SNRNP40: variants seen among roughly 807,000 people sequenced by gnomAD.
SNRNP40 encodes small nuclear ribonucleoprotein U5 subunit 40, also known as U5 small nuclear ribonucleoprotein 40 kDa protein.
Under a neutral mutation model 45.8 loss-of-function variants are expected in SNRNP40, and 21 were observed. The observed-to-expected ratio is 0.46, with a 90% CI of 0.32 to 0.66. SNRNP40 has a LOEUF of 0.66. SNRNP40 is among the 30% of genes least tolerant of loss of function. The pLI, the probability that SNRNP40 is intolerant of heterozygous loss-of-function variation, is 0.03. For synonymous variants in SNRNP40, 142 were observed against 163.8 expected (o/e 0.87, Z 1.01); for missense variants, 344 against 439.1 (o/e 0.78, Z 1.94).
chr1:31,289,554 C>T (rs986019464), intron 3 of SNRNP40, 135 bp from the exon 4 acceptor site: 4 of 719,504 alleles, frequency 5.6e-6, no homozygotes, highest in East Asian at 2.6e-5. Context: ...GCCCATGATG[C>T]TGGAATGCCT....
At chr1:31,296,462 A>G in intron 1 of SNRNP40, 149 bp downstream of exon 1, 2 of 1,053,280 alleles carry the variant, frequency 1.9e-6, no homozygotes, top group Non-Finnish European at 2.7e-6. Flanking sequence ...GGCTATGGGG[A>G]GCTTTTACAG....
intron 5 of SNRNP40, among the ~76,000 whole-genome samples, chr1:31,274,656 A>AAC (rs1196658649): frequency 5.6e-4 from 84 of 150,804 alleles, no homozygotes; most frequent in Non-Finnish European, 1.0e-3. Flanking sequence ...AAAAAAAAAA[A>AAC]AAAAAAAAAC....
chr1:31,264,392 G>A (rs1645882080), intron 8 of SNRNP40, among the ~76,000 whole-genome samples: 1 of 152,290 alleles, frequency 6.6e-6, no homozygotes, highest in Middle Eastern at 3.4e-3. Flanking sequence ...ATAAAGGGCA[G>A]TATGGCATAG....
intron 8 of SNRNP40, among the ~76,000 whole-genome samples, chr1:31,267,457 C>T (rs1645906681): frequency 6.6e-6 from 1 of 152,176 alleles, no homozygotes; most frequent in African/African-American, 2.4e-5. Context: ...CAAGCACAGT[C>T]ATAACTCTAT....
intron 4 of SNRNP40, among the ~76,000 whole-genome samples, chr1:31,288,481 T>TA (rs1557679835): frequency 6.6e-6 from 1 of 152,214 alleles, no homozygotes; most frequent in African/African-American, 2.4e-5. Flanking sequence ...CACATTAAAA[T>TA]ATCTGATTCC....
chr1:31,279,061 C>A (rs962571304), intron 5 of SNRNP40, among the ~76,000 whole-genome samples: 4 of 150,888 alleles, frequency 2.7e-5, no homozygotes, highest in African/African-American at 7.3e-5. Context: ...AAAAAAAAAA[C>A]CAGACTATTA....
chr1:31,264,053 G>C (rs1449011784), intron 8 of SNRNP40, among the ~76,000 whole-genome samples: 1 of 152,002 alleles, frequency 6.6e-6, no homozygotes, highest in African/African-American at 2.4e-5. Flanking sequence ...TAGTTTTGAA[G>C]CAGGTATTTA....
chr1:31,266,493 C>G (rs953546735), intron 8 of SNRNP40, among the ~76,000 whole-genome samples: 1 of 152,206 alleles, frequency 6.6e-6, no homozygotes, highest in Non-Finnish European at 1.5e-5. Context: ...TATTCAACCT[C>G]TGATTCTCCC....
At chr1:31,289,214 C>G (rs770616376) in intron 4 of SNRNP40, 40 bp downstream of exon 4, 1 of 1,598,978 alleles carries the variant, frequency 6.3e-7, no homozygotes, top group African/African-American at 1.3e-5. Flanking sequence ...GTTCACATCA[C>G]ATCACCTCAG....
intron 7 of SNRNP40, 36 bp downstream of exon 7, chr1:31,269,122 A>G: frequency 6.5e-7 from 1 of 1,532,108 alleles, no homozygotes; most frequent in Non-Finnish European, 8.8e-7. Context: ...TCTGAAGTAA[A>G]TGAACAGTAA....
chr1:31,269,826 G>T (rs1018292184), intron 6 of SNRNP40, among the ~76,000 whole-genome samples: 1 of 152,146 alleles, frequency 6.6e-6, no homozygotes, highest in African/African-American at 2.4e-5. Context: ...CAGGTAAACA[G>T]TGAGATTGTT....
intron 2 of SNRNP40, among the ~76,000 whole-genome samples, 199 bp from the exon 3 acceptor site, chr1:31,292,205 A>G (rs1476664783): frequency 1.3e-5 from 2 of 152,140 alleles, no homozygotes; most frequent in Non-Finnish European, 2.9e-5. Context: ...TTTAATAAAA[A>G]TAAAAAAATC....
intron 8 of SNRNP40, among the ~76,000 whole-genome samples, chr1:31,262,208 G>C (rs960805719): frequency 6.6e-6 from 1 of 152,082 alleles, no homozygotes; most frequent in Non-Finnish European, 1.5e-5. Flanking sequence ...TTCTAGAATG[G>C]GAAGGGGCCA....
At chr1:31,276,309 A>G (rs1472015992) in intron 5 of SNRNP40, among the ~76,000 whole-genome samples, 1 of 152,230 alleles carries the variant, frequency 6.6e-6, no homozygotes, top group Non-Finnish European at 1.5e-5. Context: ...CAGGAATTCA[A>G]GGTTACAGTG....
intron 8 of SNRNP40, among the ~76,000 whole-genome samples, chr1:31,265,305 T>A (rs1273981995): frequency 6.6e-6 from 1 of 151,856 alleles, no homozygotes; most frequent in Non-Finnish European, 1.5e-5. Flanking sequence ...TTTAAATATT[T>A]TTTTTATAGA....
chr1:31,280,364 A>G (rs751614751), intron 5 of SNRNP40, among the ~76,000 whole-genome samples: 3 of 151,850 alleles, frequency 2.0e-5, no homozygotes, highest in Non-Finnish European at 4.4e-5. Flanking sequence ...AGGTTTCACC[A>G]CATTGGCCAG....
Position 31,285,186 on chromosome 1 carries a change from C to T in SNRNP40, c.532-3690G>A, listed in dbSNP as rs958694035. ...ATAGAAAACTTGGAAGTAAAAAGAA[C>T]ACTTTTTTTGGTCTAAATCATTTGA... On this transcript the variant is annotated intron_variant, in intron 4 of 9. Transcript: ENST00000263694. Among the ~76,000 whole-genome samples the T allele has an allele frequency of 2.0e-5, 3 of 151,346 alleles. No individual in the cohort carries two copies. In the East Asian group the frequency reaches 5.8e-4, roughly 29 times the overall value.
intron 4 of SNRNP40, among the ~76,000 whole-genome samples, chr1:31,283,589 C>T (rs751114716): frequency 6.6e-5 from 10 of 152,066 alleles, no homozygotes; most frequent in East Asian, 1.9e-4. Context: ...GGCTACAGAG[C>T]GAGACTTCGT....
In SNRNP40 at chr1:31,286,664, A is replaced by T. The variant is rs148144353; in HGVS notation, c.531+2590T>A. Reference sequence around the variant, plus strand: ...CACGTACAGGCGACCCTTTCACCCCATTAGGGCACTGTTGGGCTGCTGCCC... The same window carrying T: ...CACGTACAGGCGACCCTTTCACCCCTTTAGGGCACTGTTGGGCTGCTGCCC... On this transcript the variant is annotated intron_variant, in intron 4 of 9. Coordinates refer to ENST00000263694, the MANE Select transcript of SNRNP40 (RefSeq NM_004814.3). 1.4e-3 allele frequency among the ~76,000 whole-genome samples: 209 copies of T among 152,178 alleles called. 1 individual carries two copies. Among genetic ancestry groups the T allele is most frequent in the African/African-American group, 4.9e-3 (205 of 41,526 alleles).
Sources: allele counts gnomAD v4.1 joint callset (sites outside exome capture counted in the v4.1 genomes callset), GRCh38; gene constraint gnomAD v4.1.1; transcripts MANE v1.5; gene names NCBI Gene and HGNC (gene_info 2026-07-23, HGNC 2026-07-21).